Variants in CNTN5 observed in about 807,000 individuals in gnomAD.
CNTN5 encodes contactin 5, also known as contactin-5.
A neutral mutation model predicts 129.1 loss-of-function variants in CNTN5; 77 were observed. The observed-to-expected ratio is 0.60, with a 90% CI of 0.50 to 0.72. CNTN5 has a LOEUF of 0.72. Among genes scored for constraint, CNTN5 ranks in the 30% least tolerant of loss-of-function variants. The pLI is 0.00. For missense variants in CNTN5, 1,478 were observed against 1,328.8 expected (o/e 1.11, Z -1.75); for synonymous variants, 509 against 465.6 (o/e 1.09, Z -1.20).
chr11:99,633,743 T>C (rs943654031), intron 3 of CNTN5, among the ~76,000 whole-genome samples: 6 of 152,126 alleles, frequency 3.9e-5, no homozygotes, highest in Admixed American at 3.9e-4. Flanking sequence ...TGCAGCAATA[T>C]TAGGGTTTAT....
chr11:99,971,498 G>A (rs553912578), intron 8 of CNTN5, among the ~76,000 whole-genome samples: 144 of 151,734 alleles, frequency 9.5e-4, no homozygotes, highest in Non-Finnish European at 1.2e-3. Flanking sequence ...AGCTGAGATC[G>A]TGCCACTGCA....
At chr11:99,196,664 G>A (rs1858917310) in intron 1 of CNTN5, among the ~76,000 whole-genome samples, 1 of 151,428 alleles carries the variant, frequency 6.6e-6, no homozygotes, top group South Asian at 2.1e-4. Context: ...TTTCCTTTGT[G>A]CCTCACATAT....
intron 20 of CNTN5, 114 bp from the exon 21 acceptor site, chr11:100,308,245 A>T: frequency 1.1e-6 from 1 of 880,574 alleles, no homozygotes; most frequent in Non-Finnish European, 1.7e-6. Context: ...TATAACTACC[A>T]CAGCACTTCA....
chr11:99,797,177 C>T (rs143228891), intron 3 of CNTN5, among the ~76,000 whole-genome samples: 12 of 152,226 alleles, frequency 7.9e-5, no homozygotes, highest in African/African-American at 2.9e-4. Context: ...GTTGATTCCA[C>T]GCCTTTGCTA....
At chr11:100,005,032 A>C (rs1320933863) in intron 9 of CNTN5, among the ~76,000 whole-genome samples, 1 of 152,170 alleles carries the variant, frequency 6.6e-6, no homozygotes, top group South Asian at 2.1e-4. Flanking sequence ...CAGGCAAGGG[A>C]GGAAAACAGA....
intron 8 of CNTN5, among the ~76,000 whole-genome samples, chr11:99,971,057 A>G (rs1951237460): frequency 2.6e-5 from 4 of 152,358 alleles, no homozygotes; most frequent in African/African-American, 7.2e-5. Flanking sequence ...AGCATAGTTT[A>G]GATTTTATTC....
At chr11:99,255,492 A>G (rs1862333127) in intron 1 of CNTN5, among the ~76,000 whole-genome samples, 1 of 150,262 alleles carries the variant, frequency 6.7e-6, no homozygotes, top group African/African-American at 2.5e-5. Context: ...AATATAATTA[A>G]TAAATTAATT....
chr11:99,262,572 G>A (rs1862687786), intron 1 of CNTN5, among the ~76,000 whole-genome samples: 1 of 149,442 alleles, frequency 6.7e-6, no homozygotes, highest in Admixed American at 6.7e-5. Flanking sequence ...CAAAAAACAT[G>A]TATTGCTTAT....
chr11:100,035,460 A>G (rs1350168104), intron 9 of CNTN5, among the ~76,000 whole-genome samples: 2 of 146,984 alleles, frequency 1.4e-5, no homozygotes, highest in African/African-American at 5.2e-5. Context: ...TAGCAGCATG[A>G]TTTATAGTCC....
intron 3 of CNTN5, among the ~76,000 whole-genome samples, chr11:99,736,279 C>G (rs1199594224): frequency 6.6e-6 from 1 of 152,158 alleles, no homozygotes; most frequent in Non-Finnish European, 1.5e-5. Context: ...AGCTAGGTTT[C>G]TCAGACTTAC....
chr11:99,755,688 T>A (rs1944383556), intron 3 of CNTN5, among the ~76,000 whole-genome samples: 1 of 152,120 alleles, frequency 6.6e-6, no homozygotes, highest in African/African-American at 2.4e-5. Flanking sequence ...CCTGCAAGTG[T>A]CTTTCATAGC....
intron 3 of CNTN5, among the ~76,000 whole-genome samples, chr11:99,684,961 A>AT (rs1953725235): frequency 6.6e-6 from 1 of 150,620 alleles, no homozygotes; most frequent in African/African-American, 2.5e-5. Context: ...GTCTGCTCTT[A>AT]TTTTTTATTT....
chr11:100,237,924 T>TAACA (rs976734791), intron 16 of CNTN5, among the ~76,000 whole-genome samples: 17 of 152,194 alleles, frequency 1.1e-4, no homozygotes, highest in Middle Eastern at 3.4e-3. Flanking sequence ...CTGGGGTACC[T>TAACA]AACAAATTAG....
chr11:99,301,705 A>G (rs1864646986), intron 1 of CNTN5, among the ~76,000 whole-genome samples: 1 of 151,912 alleles, frequency 6.6e-6, no homozygotes, highest in Non-Finnish European at 1.5e-5. Flanking sequence ...ACAAGAAAGT[A>G]GAAGACATGT....
intron 21 of CNTN5, among the ~76,000 whole-genome samples, chr11:100,323,530 G>C (rs1951733964): frequency 6.6e-6 from 1 of 151,884 alleles, no homozygotes. Context: ...TTCTCATTTG[G>C]GTCGGGGTTT....
intron 8 of CNTN5, among the ~76,000 whole-genome samples, chr11:99,974,233 G>A (rs187060413): frequency 2.6e-5 from 4 of 152,246 alleles, no homozygotes; most frequent in South Asian, 4.1e-4. Flanking sequence ...ATTTAGACAG[G>A]CAGCAAGTCC....
intron 7 of CNTN5, among the ~76,000 whole-genome samples, chr11:99,949,857 G>A (rs932295996): frequency 1.3e-5 from 2 of 152,028 alleles, no homozygotes; most frequent in Admixed American, 1.3e-4. Flanking sequence ...ATGAGATGAC[G>A]CCAGTTTAGT....
At chr11:99,675,026 T>TTTGTG (rs1186328054) in intron 3 of CNTN5, among the ~76,000 whole-genome samples, 5 of 151,518 alleles carry the variant, frequency 3.3e-5, no homozygotes, top group African/African-American at 1.2e-4. Flanking sequence ...TTTGTTTTGT[T>TTTGTG]TTGTTTTGTT....
intron 15 of CNTN5, among the ~76,000 whole-genome samples, chr11:100,221,786 A>G (rs916584656): frequency 3.9e-5 from 6 of 152,138 alleles, no homozygotes; most frequent in African/African-American, 1.4e-4. Context: ...GGATTTGTTC[A>G]TAAGGTCAAC....
Sources: allele counts gnomAD v4.1 joint callset (sites outside exome capture counted in the v4.1 genomes callset), GRCh38; gene constraint gnomAD v4.1.1; transcripts MANE v1.5; gene names NCBI Gene and HGNC (gene_info 2026-07-23, HGNC 2026-07-21).